Variants in UGT1A4 observed in about 807,000 individuals in gnomAD.
The protein encoded by UGT1A4 is UDP-glucuronosyltransferase 1A4.
In UGT1A4, 32 loss-of-function variants were observed where a neutral mutation model predicts 41.1. The ratio of observed to expected loss-of-function variants is 0.78; its 90% CI spans 0.59 to 1.05. The LOEUF (loss-of-function observed/expected upper bound fraction) is 1.05. UGT1A4 is among the 50% of genes least tolerant of loss of function. The pLI is 0.00. For missense variants in UGT1A4, 748 were observed against 677.4 expected (o/e 1.10, Z -1.16); for synonymous variants, 283 against 265.1 (o/e 1.07, Z -0.66).
intron 1 of UGT1A4, chr2:233,743,495 A>G (rs1016583348): frequency 7.3e-7 from 1 of 1,367,212 alleles, no homozygotes; most frequent in Non-Finnish European, 9.8e-7. Flanking sequence ...AAGGCAGAGA[A>G]AAGGGGTGCA....
intron 1 of UGT1A4, chr2:233,730,086 CTTTCCAAATATTTCA>C: frequency 1.2e-6 from 2 of 1,600,798 alleles, no homozygotes; most frequent in Non-Finnish European, 1.7e-6. Flanking sequence ...ATTTACTTAT[CTTTCCAAATATTTCA>C]TTTCTGCTTC....
At chr2:233,761,638 C>T (rs769742430) in intron 1 of UGT1A4, among the ~76,000 whole-genome samples, 2 of 152,230 alleles carry the variant, frequency 1.3e-5, no homozygotes, top group African/African-American at 2.4e-5. Context: ...TCCTGCAGTC[C>T]GTTCTCTTCT....
At position 233,754,917 on chromosome 2, in the gene UGT1A4, G is replaced by A. The variant is rs1403282569; in HGVS notation, c.868-12117G>A. ...CTGACCCCCCAAAATATTCTCCAGC[G>A]GGTTTCCCAAGAGGTCAAAGGAGAA... On this transcript the variant is annotated intron_variant, in intron 1 of 4. Coordinates refer to ENST00000373409, the MANE Select transcript of UGT1A4 (RefSeq NM_007120.3). The A allele has an allele frequency of 3.0e-6, 4 of 1,353,604 alleles. No homozygotes were observed. In the African/African-American group the frequency reaches 4.4e-5, roughly 15 times the overall value. 83.8% of individuals were successfully genotyped at this position (1,353,604 alleles called of 1,614,324 possible).
chr2:233,719,720 C>T (rs2076799652), intron 1 of UGT1A4, 33 bp downstream of exon 1: 1 of 1,613,702 alleles, frequency 6.2e-7, no homozygotes, highest in African/African-American at 1.3e-5. Context: ...AATCAATGTT[C>T]CAGGCAAAAC....
At chr2:233,726,064 G>T (rs1467420011) in intron 1 of UGT1A4, among the ~76,000 whole-genome samples, 7 of 152,132 alleles carry the variant, frequency 4.6e-5, no homozygotes, top group Admixed American at 4.6e-4. Flanking sequence ...TACTCAGGAG[G>T]CTGAGGCAGG....
In UGT1A4 at chr2:233,772,466, C is replaced by T. The variant is rs1700524185; in HGVS notation, c.1512C>T (p.Ala504=). 6.2e-7 allele frequency: 1 copy of T among 1,614,030 alleles called. No individual in the cohort carries two copies. The highest frequency in any genetic ancestry group is 1.3e-5 in the African/African-American group (1 of 74,904). The change falls in exon 5 of 5, where the codon GCC becomes GCT. Residue 504 remains alanine, a synonymous_variant. Transcript: ENST00000373409. ...GFLLAVVLTV[A]FITFKCCAYG... Reference sequence around the variant, plus strand: ...TCTTGGCCGTCGTGCTGACAGTGGCCTTCATCACCTTTAAATGTTGTGCTT... The same window carrying T: ...TCTTGGCCGTCGTGCTGACAGTGGCTTTCATCACCTTTAAATGTTGTGCTT...
Position 233,760,817 on chromosome 2 carries a change from G to A in UGT1A4, c.868-6217G>A, listed in dbSNP as rs1373930486. 1 of 1,613,516 alleles carries A rather than the reference G, an allele frequency of 6.2e-7. No individual in the cohort carries two copies. Among genetic ancestry groups the A allele is most frequent in the South Asian group, 1.1e-5 (1 of 91,054 alleles). ...GTATTCTTCTTGCATGCACTGCCAT[G>A]CAGCCTGGAATTTGAGGCTACCCAG... On this transcript the variant is annotated intron_variant, in intron 1 of 4. Transcript: ENST00000373409.
At chr2:233,760,948 T>G (rs746225571) in intron 1 of UGT1A4, 7 of 1,614,204 alleles carry the variant, frequency 4.3e-6, no homozygotes, top group Non-Finnish European at 5.9e-6. Flanking sequence ...TTCACAGAAC[T>G]TTCTGTGCGA....
At chr2:233,733,916 G>A (rs1485118411) in intron 1 of UGT1A4, among the ~76,000 whole-genome samples, 2 of 151,970 alleles carry the variant, frequency 1.3e-5, no homozygotes, top group South Asian at 2.1e-4. Context: ...GGTAGAATTC[G>A]GCTGTGAGGA....
At chr2:233,743,042 G>GTT in intron 1 of UGT1A4, 1 of 311,812 alleles carries the variant, frequency 3.2e-6, no homozygotes, top group Non-Finnish European at 6.3e-6. Context: ...GGTCCTATCC[G>GTT]TGTAGTCCCA....
At chr2:233,729,139 C>G (rs527426104) in intron 1 of UGT1A4, 1 of 1,613,374 alleles carries the variant, frequency 6.2e-7, no homozygotes, top group Admixed American at 1.7e-5. Context: ...GGCCACAGGA[C>G]TCCAGGTTCC....
intron 4 of UGT1A4, chr2:233,771,576 T>C (rs1332686610): frequency 6.6e-6 from 1 of 152,308 alleles, no homozygotes; most frequent in Admixed American, 6.5e-5. Flanking sequence ...GGTGGTTGTT[T>C]ACAACTTCAA....
At chr2:233,766,487 G>A (rs1575820615) in intron 1 of UGT1A4, among the ~76,000 whole-genome samples, 1 of 152,190 alleles carries the variant, frequency 6.6e-6, no homozygotes, top group Non-Finnish European at 1.5e-5. Context: ...TGATGGGGGC[G>A]TGGCAGGCCA....
At chr2:233,743,505 A>G (rs761358710) in intron 1 of UGT1A4, 1 of 1,367,266 alleles carries the variant, frequency 7.3e-7, no homozygotes, top group Non-Finnish European at 9.8e-7. Context: ...AAAGGGGTGC[A>G]GACGCTCTGC....
intron 1 of UGT1A4, among the ~76,000 whole-genome samples, chr2:233,736,416 C>T (rs933216996): frequency 3.3e-5 from 5 of 152,094 alleles, no homozygotes; most frequent in Non-Finnish European, 4.4e-5. Context: ...TTCATCTAAC[C>T]TTTTTTCAAG....
intron 1 of UGT1A4, among the ~76,000 whole-genome samples, chr2:233,732,486 A>G (rs780972639): frequency 6.6e-6 from 1 of 152,226 alleles, no homozygotes; most frequent in Non-Finnish European, 1.5e-5. Context: ...TAATTTTTGT[A>G]TAAGGCGTAA....
At chr2:233,739,959 T>A (rs1437269496) in intron 1 of UGT1A4, among the ~76,000 whole-genome samples, 1 of 151,940 alleles carries the variant, frequency 6.6e-6, no homozygotes, top group Non-Finnish European at 1.5e-5. Flanking sequence ...GGGAGCTGAT[T>A]GAATCATATC....
chr2:233,760,210 T>A, intron 1 of UGT1A4: 1 of 1,591,180 alleles, frequency 6.3e-7, no homozygotes, highest in African/African-American at 1.4e-5. Flanking sequence ...AAACATTAAC[T>A]TGGTGTATCG....
At position 233,718,958 on chromosome 2, in the gene UGT1A4, G is replaced by A. The variant is rs201006205; in HGVS notation, c.138G>A (p.Glu46=). 528 of 1,614,220 alleles carry A rather than the reference G, an allele frequency of 3.3e-4. 5 individuals carry two copies. In the South Asian group the frequency reaches 5.5e-3, roughly 17 times the overall value. Residue 46 remains glutamate, a synonymous_variant, in exon 1 of 5, where the codon GAG becomes GAA. Coordinates refer to ENST00000373409, the MANE Select transcript of UGT1A4 (RefSeq NM_007120.3). The part of the protein sequence containing the change: ...TDGSPWLSMR[E]ALRELHARGH... ...GCAGCCCCTGGCTCAGCATGCGGGA[G>A]GCCTTGCGGGAGCTCCATGCCAGAG...
Sources: allele counts gnomAD v4.1 joint callset (sites outside exome capture counted in the v4.1 genomes callset), GRCh38; gene constraint gnomAD v4.1.1; transcripts MANE v1.5; gene names NCBI Gene and HGNC (gene_info 2026-07-23, HGNC 2026-07-21).